The following AUH variants were observed in gnomAD, a reference collection of about 807,000 sequenced individuals.
AUH encodes methylglutaconyl-CoA hydratase, mitochondrial.
Under a neutral mutation model 42.3 loss-of-function variants are expected in AUH, and 29 were observed. The observed-to-expected ratio is 0.69, with a 90% CI of 0.51 to 0.93. AUH has a LOEUF of 0.93. Ranked by LOEUF, AUH falls within the 40% of genes least tolerant of loss-of-function variation. The pLI, the probability that AUH is intolerant of heterozygous loss-of-function variation, is 0.00. For missense variants in AUH, 452 were observed against 438.1 expected, an observed-to-expected ratio of 1.03 and a Z score of -0.28; for synonymous variants, 174 against 166.4, an observed-to-expected ratio of 1.05 and a Z score of -0.35.
intron 3 of AUH, among the ~76,000 whole-genome samples, chr9:91,336,175 G>A (rs1323927469): frequency 2.6e-5 from 4 of 152,036 alleles, no homozygotes; most frequent in East Asian, 1.9e-4. Flanking sequence ...AAAAACCCAC[G>A]TTGCTATTTT....
intron 1 of AUH, 57 bp downstream of exon 1, chr9:91,361,571 G>A (rs1832855918): frequency 1.7e-5 from 27 of 1,546,132 alleles, no homozygotes; most frequent in Non-Finnish European, 2.3e-5. Context: ...CCTTATGCCC[G>A]TCCTGAGAGC....
chr9:91,272,698 G>A (rs1342376078), intron 6 of AUH, among the ~76,000 whole-genome samples: 1 of 152,028 alleles, frequency 6.6e-6, no homozygotes, highest in Admixed American at 6.6e-5. Context: ...CTGCCTCCTC[G>A]AATGTAAGCT....
At chr9:91,224,265 A>G (rs780929343) in intron 6 of AUH, among the ~76,000 whole-genome samples, 25 of 152,296 alleles carry the variant, frequency 1.6e-4, no homozygotes, top group Middle Eastern at 3.4e-3. Context: ...CTTTGGAGAA[A>G]TGTCTATTTA....
At chr9:91,229,558 A>G (rs1316786403) in intron 6 of AUH, among the ~76,000 whole-genome samples, 4 of 150,590 alleles carry the variant, frequency 2.7e-5, no homozygotes, top group Admixed American at 6.6e-5. Context: ...ATTTACATTT[A>G]AAGTTAATAG....
chr9:91,280,784 CA>C (rs1400930913), intron 6 of AUH, among the ~76,000 whole-genome samples: 5 of 152,116 alleles, frequency 3.3e-5, no homozygotes, highest in African/African-American at 4.8e-5. Context: ...AGATGAGCTT[CA>C]AAAACTTAGT....
At chr9:91,347,156 C>T (rs1055771622) in intron 3 of AUH, among the ~76,000 whole-genome samples, 2 of 152,132 alleles carry the variant, frequency 1.3e-5, no homozygotes, top group East Asian at 1.9e-4. Context: ...TGCACCTCAG[C>T]CCCCTCAAGT....
chr9:91,317,770 C>T (rs555651194), intron 4 of AUH, among the ~76,000 whole-genome samples: 1 of 152,170 alleles, frequency 6.6e-6, no homozygotes, highest in Non-Finnish European at 1.5e-5. Context: ...GAAAGAGATA[C>T]CTTTCGTCAG....
At chr9:91,288,907 G>C (rs1022461327) in intron 6 of AUH, among the ~76,000 whole-genome samples, 4 of 152,082 alleles carry the variant, frequency 2.6e-5, no homozygotes, top group Admixed American at 2.6e-4. Flanking sequence ...TTTTATAATA[G>C]CATTTTTTTA....
In AUH at chr9:91,351,794, G is replaced by A. The variant is rs1220902747; in HGVS notation, c.418+4089C>T. ...TATGAGAATCAGGCCAAGGTGGCCT[G>A]ATGATCTGAGATGGAACAGTTTCAC... On this transcript the variant is annotated intron_variant, in intron 3 of 9. Coordinates refer to ENST00000375731, the MANE Select transcript of AUH (RefSeq NM_001698.3). Among the ~76,000 whole-genome samples the A allele has an allele frequency of 2.6e-5, 4 of 152,302 alleles. No individual in the cohort carries two copies. In the East Asian group the frequency reaches 7.7e-4, roughly 29 times the overall value.
At chr9:91,272,062 C>CT (rs555745982) in intron 6 of AUH, among the ~76,000 whole-genome samples, 88 of 152,244 alleles carry the variant, frequency 5.8e-4, no homozygotes, top group Non-Finnish European at 9.9e-4. Context: ...GCATCAAATG[C>CT]TTTTGTATGT....
Position 91,214,211 on chromosome 9 carries a change from T to A in AUH, c.*137A>T. The A allele has an allele frequency of 1.3e-6, 1 of 742,098 alleles. No individual in the cohort carries two copies. 46.0% of individuals were successfully genotyped at this position (742,098 alleles called of 1,614,324 possible). A position where few individuals can be genotyped will look rare whatever the true frequency, so the allele number is the denominator to read the frequency against. ...AGTACACGGATGGGTCCATTCCAGA[T>A]GCTTATTACACCGTATGAATAATCT... On this transcript the variant is annotated 3_prime_UTR_variant, in exon 10 of 10. Transcript: ENST00000375731.
chr9:91,349,230 CAT>C (rs1831764030), intron 3 of AUH, among the ~76,000 whole-genome samples: 1 of 152,164 alleles, frequency 6.6e-6, no homozygotes, highest in Admixed American at 6.6e-5. Flanking sequence ...TTAGTCATAA[CAT>C]AATTTACTAG....
intron 3 of AUH, among the ~76,000 whole-genome samples, chr9:91,340,983 T>C (rs909957576): frequency 5.3e-5 from 8 of 152,236 alleles, no homozygotes; most frequent in Non-Finnish European, 1.0e-4. Context: ...CAGTCTAGAC[T>C]AATGCCAGTT....
At chr9:91,290,983 T>C (rs77468994) in intron 6 of AUH, among the ~76,000 whole-genome samples, 6,001 of 152,180 alleles carry the variant, frequency 0.039, 371 homozygotes, top group African/African-American at 0.13. Context: ...TCTCTCAGTT[T>C]TGGAGGCCAG....
At chr9:91,265,228 A>C (rs1263691766) in intron 6 of AUH, among the ~76,000 whole-genome samples, 2 of 150,160 alleles carry the variant, frequency 1.3e-5, no homozygotes, top group Non-Finnish European at 2.9e-5. Flanking sequence ...AGCTTCATTA[A>C]GTCAAATGTC....
intron 3 of AUH, among the ~76,000 whole-genome samples, 180 bp from the exon 4 acceptor site, chr9:91,325,584 G>C (rs2131862513): frequency 6.6e-6 from 1 of 152,214 alleles, no homozygotes; most frequent in Middle Eastern, 3.4e-3. Flanking sequence ...TAAAGTATTT[G>C]TCTATTCATA....
chr9:91,232,451 T>TA (rs1030473554), intron 6 of AUH, among the ~76,000 whole-genome samples: 9 of 152,110 alleles, frequency 5.9e-5, no homozygotes, highest in African/African-American at 2.2e-4. Context: ...AAATAAATTT[T>TA]AAAAAACAAG....
At chr9:91,347,925 G>T (rs1831650411) in intron 3 of AUH, among the ~76,000 whole-genome samples, 1 of 151,302 alleles carries the variant, frequency 6.6e-6, no homozygotes, top group Non-Finnish European at 1.5e-5. Context: ...ATAAAAAAAA[G>T]AAACAATATG....
intron 6 of AUH, among the ~76,000 whole-genome samples, chr9:91,268,525 G>C (rs1006393050): frequency 6.6e-6 from 1 of 152,080 alleles, no homozygotes. Flanking sequence ...CGGCCTTCCA[G>C]GTTCAAGCGA....
Sources: allele counts gnomAD v4.1 joint callset (sites outside exome capture counted in the v4.1 genomes callset), GRCh38; gene constraint gnomAD v4.1.1; transcripts MANE v1.5; gene names NCBI Gene and HGNC (gene_info 2026-07-23, HGNC 2026-07-21).